The following EPHA3 variants were observed in gnomAD, a reference collection of about 807,000 sequenced individuals.
EPHA3 encodes ephrin type-A receptor 3.
EPHA3 carries 42 observed loss-of-function variants against 107.1 expected under a neutral mutation model. The ratio of observed to expected loss-of-function variants is 0.39; its 90% CI spans 0.31 to 0.51. The LOEUF is 0.51. Among genes scored for constraint, EPHA3 ranks in the 20% least tolerant of loss-of-function variants. The probability of loss-of-function intolerance (pLI) is 0.78; values close to 1 mark genes in which losing one functional copy is unlikely to be tolerated. For missense variants in EPHA3, 1,183 were observed against 1,211.2 expected, an observed-to-expected ratio of 0.98 and a Z score of 0.35; for synonymous variants, 461 against 424.8, an observed-to-expected ratio of 1.09 and a Z score of -1.05.
chr3:89,370,665 A>T (rs1011470062), intron 5 of EPHA3, among the ~76,000 whole-genome samples: 14 of 152,008 alleles, frequency 9.2e-5, no homozygotes, highest in South Asian at 2.1e-4. Context: ...AATAATAATT[A>T]AAAAAATAAC....
At chr3:89,408,224 G>T in intron 9 of EPHA3, 93 bp downstream of exon 9, 2 of 1,210,702 alleles carry the variant, frequency 1.7e-6, no homozygotes, top group South Asian at 1.3e-5. Context: ...CTGACAAAGA[G>T]ACTTCAAAAG....
In EPHA3 at chr3:89,450,214, C is replaced by A. The variant is rs572288873; in HGVS notation, c.2534C>A (p.Pro845His). The A allele has an allele frequency of 4.2e-5, 67 of 1,609,302 alleles. No individual in the cohort carries two copies. Among genetic ancestry groups the A allele is most frequent in the Non-Finnish European group, 5.6e-5 (66 of 1,177,812 alleles). ...KAVDEGYRLP[P>H]PMDCPAALYQ... ...GTAGATGAGGGCTATCGACTGCCAC[C>A]CCCCATGGACTGCCCAGCTGCCTTG... The change falls in exon 15 of 17, where the codon CCC (proline) becomes CAC (histidine). Residue 845 changes from proline (P) to histidine (H), a missense_variant. Pro to His is a moderately conservative substitution (Grantham distance 77). Transcript: ENST00000336596.
chr3:89,161,651 C>G (rs1385484832), intron 2 of EPHA3, among the ~76,000 whole-genome samples: 1 of 151,808 alleles, frequency 6.6e-6, no homozygotes, highest in Non-Finnish European at 1.5e-5. Flanking sequence ...AATGAGTAAC[C>G]TTGTGTGAAT....
chr3:89,127,312 A>G (rs1553704127), intron 2 of EPHA3, 39 bp downstream of exon 2: 2 of 1,483,488 alleles, frequency 1.3e-6, no homozygotes, highest in South Asian at 2.3e-5. Context: ...CATTTTCTCT[A>G]TTACCTGTCT....
chr3:89,398,173 C>T (rs1708887948), intron 6 of EPHA3, among the ~76,000 whole-genome samples: 1 of 152,114 alleles, frequency 6.6e-6, no homozygotes, highest in South Asian at 2.1e-4. Flanking sequence ...GGCATGTTTT[C>T]TGTACTATTC....
intron 2 of EPHA3, among the ~76,000 whole-genome samples, chr3:89,132,202 A>C (rs577179472): frequency 2.6e-5 from 4 of 152,298 alleles, no homozygotes; most frequent in African/African-American, 9.6e-5. Context: ...GGGACTAGAA[A>C]GGCAGAGCCC....
At chr3:89,125,504 C>G (rs2106970111) in intron 1 of EPHA3, among the ~76,000 whole-genome samples, 1 of 151,602 alleles carries the variant, frequency 6.6e-6, no homozygotes, top group African/African-American at 2.4e-5. Flanking sequence ...GAGATAATTG[C>G]AATATAATTA....
At chr3:89,132,316 T>C (rs1178591130) in intron 2 of EPHA3, among the ~76,000 whole-genome samples, 1 of 152,252 alleles carries the variant, frequency 6.6e-6, no homozygotes, top group Non-Finnish European at 1.5e-5. Context: ...TTAGTGTTTT[T>C]CATGCTTTCA....
At chr3:89,247,900 T>C (rs898301308) in intron 3 of EPHA3, among the ~76,000 whole-genome samples, 6 of 152,188 alleles carry the variant, frequency 3.9e-5, no homozygotes, top group African/African-American at 1.2e-4. Flanking sequence ...AGTGCTGATG[T>C]AAGGACCTTG....
chr3:89,187,625 C>T (rs1705601141), intron 2 of EPHA3, among the ~76,000 whole-genome samples: 1 of 151,936 alleles, frequency 6.6e-6, no homozygotes, highest in Admixed American at 6.6e-5. Context: ...AAATGTCCCT[C>T]TGTTTTAAAA....
chr3:89,147,218 T>C (rs1399458595), intron 2 of EPHA3, among the ~76,000 whole-genome samples: 2 of 151,504 alleles, frequency 1.3e-5, no homozygotes, highest in Non-Finnish European at 2.9e-5. Context: ...AGCATTAGGA[T>C]GAATACCTAA....
rs183361717 is a variant in EPHA3 at position 89,394,510 on chromosome 3, T to C, written c.1307-1327T>C. On this transcript the variant is annotated intron_variant, in intron 5 of 16. Coordinates refer to ENST00000336596, the MANE Select transcript of EPHA3 (RefSeq NM_005233.6). ...AATAAAACCCAGTTGATGGGAAATA[T>C]TGCAGTAGATTCTATTTTTTGGTGT... Among the ~76,000 whole-genome samples the C allele has an allele frequency of 3.3e-5, 5 of 152,344 alleles. No individual in the cohort carries two copies. In the East Asian group the frequency reaches 7.7e-4, roughly 24 times the overall value.
chr3:89,374,103 A>G (rs1238096593), intron 5 of EPHA3, among the ~76,000 whole-genome samples: 1 of 151,914 alleles, frequency 6.6e-6, no homozygotes, highest in African/African-American at 2.4e-5. Flanking sequence ...AAATATAGTC[A>G]TATATAAAAT....
chr3:89,208,423 G>GAAGGAAGAAAGGAAGAAAGA (rs74193305), intron 2 of EPHA3, among the ~76,000 whole-genome samples: 1 of 37,554 alleles, frequency 2.7e-5, no homozygotes, highest in Non-Finnish European at 4.7e-5. Flanking sequence ...AGGAAGGAAG[G>GAAGGAAGAAAGGAAGAAAGA]AAGAAAGAAA....
intron 2 of EPHA3, among the ~76,000 whole-genome samples, chr3:89,170,093 A>T (rs1705177388): frequency 6.6e-6 from 1 of 151,146 alleles, no homozygotes; most frequent in African/African-American, 2.4e-5. Flanking sequence ...CTAAAACTAT[A>T]AAAAAAAATT....
At chr3:89,299,711 C>T (rs1377000954) in intron 3 of EPHA3, among the ~76,000 whole-genome samples, 1 of 151,900 alleles carries the variant, frequency 6.6e-6, no homozygotes, top group Non-Finnish European at 1.5e-5. Context: ...TATCCAACTT[C>T]AGAATCCAGT....
chr3:89,326,623 CAA>C (rs2107390065), intron 3 of EPHA3, among the ~76,000 whole-genome samples: 1 of 151,908 alleles, frequency 6.6e-6, no homozygotes, highest in South Asian at 2.1e-4. Flanking sequence ...CTCCAGAGCT[CAA>C]GAGATCCACC....
chr3:89,312,867 A>G (rs570997016), intron 3 of EPHA3, among the ~76,000 whole-genome samples: 21 of 152,134 alleles, frequency 1.4e-4, no homozygotes, highest in African/African-American at 5.1e-4. Context: ...TCGTTTGCTG[A>G]GGATAATGGC....
intron 2 of EPHA3, among the ~76,000 whole-genome samples, chr3:89,159,210 G>T (rs369898312): frequency 1.3e-5 from 2 of 151,906 alleles, no homozygotes; most frequent in African/African-American, 4.8e-5. Flanking sequence ...CATTTCTATA[G>T]CCCTGATTAT....
Sources: gnomAD v4.1 joint callset for allele counts (sites outside exome capture counted in the v4.1 genomes callset) on GRCh38, gnomAD v4.1.1 for gene constraint, MANE v1.5 for transcripts, NCBI Gene and HGNC (gene_info 2026-07-23, HGNC 2026-07-21) for gene names.